The following MTA3 variants were observed in gnomAD, a reference collection of about 807,000 sequenced individuals.
MTA3 encodes the protein metastasis-associated protein MTA3.
In MTA3, 34 loss-of-function variants were observed where a neutral mutation model predicts 83.5. That is an observed-to-expected ratio of 0.41 (90% CI 0.31 to 0.54). The LOEUF is 0.54. Ranked by LOEUF, MTA3 falls within the 20% of genes least tolerant of loss-of-function variation. The pLI is 0.33. For synonymous variants in MTA3, 303 were observed against 252.7 expected, an observed-to-expected ratio of 1.20 and a Z score of -1.89; for missense variants, 761 against 726.4, an observed-to-expected ratio of 1.05 and a Z score of -0.55.
intron 2 of MTA3, among the ~76,000 whole-genome samples, chr2:42,542,032 A>G (rs987043023): frequency 1.3e-5 from 2 of 152,126 alleles, no homozygotes; most frequent in African/African-American, 4.8e-5. Flanking sequence ...TGGGCTTTTC[A>G]GTGTGTGTGC....
chr2:42,575,474 A>G (rs1165183930), intron 2 of MTA3, among the ~76,000 whole-genome samples: 1 of 152,224 alleles, frequency 6.6e-6, no homozygotes, highest in Non-Finnish European at 1.5e-5. Flanking sequence ...ACTATTTACA[A>G]ACTGCTTTGA....
intron 8 of MTA3, among the ~76,000 whole-genome samples, chr2:42,669,059 T>G (rs1337995344): frequency 6.6e-6 from 1 of 151,934 alleles, no homozygotes; most frequent in African/African-American, 2.4e-5. Flanking sequence ...GAGGATAGTT[T>G]AGAAGGCACA....
chr2:42,664,634 A>G (rs991212414), intron 8 of MTA3, among the ~76,000 whole-genome samples: 2 of 151,934 alleles, frequency 1.3e-5, no homozygotes, highest in African/African-American at 4.8e-5. Context: ...GGCGTCCGCC[A>G]CCACTGCCGA....
intron 6 of MTA3, among the ~76,000 whole-genome samples, chr2:42,655,725 C>T (rs562823779): frequency 6.6e-6 from 1 of 152,270 alleles, no homozygotes; most frequent in South Asian, 2.1e-4. Context: ...GCCTCAACCT[C>T]CCGAGTAGCT....
At chr2:42,716,475 T>C (rs1378648573) in intron 14 of MTA3, among the ~76,000 whole-genome samples, 1 of 152,168 alleles carries the variant, frequency 6.6e-6, no homozygotes, top group East Asian at 1.9e-4. Context: ...ATACTGTCCC[T>C]CCTCTCACCC....
rs146267666 is a variant in MTA3, at chr2:42,603,912, G to A, written c.191-5546G>A. Among the ~76,000 whole-genome samples, 386 of 152,174 alleles carry A rather than the reference G, an allele frequency of 2.5e-3. 5 individuals carry two copies. Among genetic ancestry groups the A allele is most frequent in the Admixed American group, 0.019 (296 of 15,288 alleles). On this transcript the variant is annotated intron_variant, in intron 3 of 16. Coordinates refer to ENST00000405094, the MANE Select transcript of MTA3 (RefSeq NM_001330442.2). The stretch of plus-strand genomic sequence containing the variant: ...ACTACAGGCGCCCACCATCTCACCT[G>A]GCTAATTTTTCTATTTTTAGTAGAT...
intron 7 of MTA3, among the ~76,000 whole-genome samples, chr2:42,657,999 G>A (rs751008663): frequency 6.9e-6 from 1 of 144,986 alleles, no homozygotes; most frequent in African/African-American, 2.6e-5. Flanking sequence ...TTGAACTTGC[G>A]AGACGGAGGT....
intron 2 of MTA3, among the ~76,000 whole-genome samples, chr2:42,514,810 C>G (rs1675066894): frequency 1.3e-5 from 2 of 149,934 alleles, no homozygotes; most frequent in South Asian, 4.2e-4. Flanking sequence ...GCCTCAGCCT[C>G]CAGAGTAGCT....
intron 2 of MTA3, among the ~76,000 whole-genome samples, chr2:42,517,462 A>G (rs1171991161): frequency 6.7e-6 from 1 of 150,374 alleles, no homozygotes; most frequent in East Asian, 2.0e-4. Context: ...AATCCCAGCT[A>G]CTCAGGAGGC....
chr2:42,619,276 T>C (rs1303071762), intron 4 of MTA3, among the ~76,000 whole-genome samples: 1 of 152,168 alleles, frequency 6.6e-6, no homozygotes, highest in Admixed American at 6.6e-5. Context: ...ATGAAAAAAC[T>C]AACCCAGTGT....
chr2:42,681,211 G>C lies in MTA3; in HGVS notation c.703-1190G>C, dbSNP rs564208748. Among the ~76,000 whole-genome samples the C allele has an allele frequency of 5.9e-5, 9 of 152,320 alleles. No homozygotes were observed. The East Asian group carries it at 1.7e-3, about 29-fold the overall frequency. On this transcript the variant is annotated intron_variant, in intron 8 of 16. Transcript: ENST00000405094. The stretch of plus-strand genomic sequence containing the variant: ...ATAAGAAAACCACAGTGGCCTTGCT[G>C]TTCCAAGCAAACCTGGCCATCTATT...
At chr2:42,749,260 C>G (rs965531560) in intron 16 of MTA3, among the ~76,000 whole-genome samples, 2 of 152,192 alleles carry the variant, frequency 1.3e-5, no homozygotes, top group African/African-American at 4.8e-5. Flanking sequence ...GGTTCCTCAG[C>G]CTAGTAGACT....
intron 14 of MTA3, among the ~76,000 whole-genome samples, chr2:42,718,053 A>G (rs1212964399): frequency 6.8e-6 from 1 of 148,006 alleles, no homozygotes; most frequent in Non-Finnish European, 1.5e-5. Flanking sequence ...CTATACCCAT[A>G]TGGGGCTTTA....
chr2:42,691,237 C>T (rs982260426), intron 9 of MTA3, among the ~76,000 whole-genome samples: 1 of 152,062 alleles, frequency 6.6e-6, no homozygotes, highest in Non-Finnish European at 1.5e-5. Flanking sequence ...GGCTCAATCT[C>T]CTGACCTTGT....
intron 3 of MTA3, among the ~76,000 whole-genome samples, chr2:42,597,611 C>A (rs1206074635): frequency 6.6e-6 from 1 of 150,952 alleles, no homozygotes; most frequent in Non-Finnish European, 1.5e-5. Flanking sequence ...GTCTCAAACT[C>A]CTGACCTTGT....
At chr2:42,648,032 G>C (rs542896784) in intron 6 of MTA3, among the ~76,000 whole-genome samples, 1 of 152,278 alleles carries the variant, frequency 6.6e-6, no homozygotes, top group African/African-American at 2.4e-5. Flanking sequence ...GCAGGGACAG[G>C]GTTTCGCCGT....
intron 16 of MTA3, among the ~76,000 whole-genome samples, chr2:42,739,344 C>T (rs954019732): frequency 6.6e-6 from 1 of 151,026 alleles, no homozygotes; most frequent in Admixed American, 6.6e-5. Flanking sequence ...AACAAACAGA[C>T]AATAATTATG....
chr2:42,498,992 G>T (rs546065593), intron 2 of MTA3, among the ~76,000 whole-genome samples: 1 of 152,166 alleles, frequency 6.6e-6, no homozygotes, highest in Non-Finnish European at 1.5e-5. Flanking sequence ...GCACTATGAG[G>T]TTATCCCAAG....
chr2:42,590,073 C>G (rs1263357736), intron 3 of MTA3, among the ~76,000 whole-genome samples: 1 of 152,064 alleles, frequency 6.6e-6, no homozygotes, highest in Non-Finnish European at 1.5e-5. Context: ...GATCTTAAAC[C>G]TATGTTTCTG....
Sources: gnomAD v4.1 joint callset for allele counts (sites outside exome capture counted in the v4.1 genomes callset) on GRCh38, gnomAD v4.1.1 for gene constraint, MANE v1.5 for transcripts, NCBI Gene and HGNC (gene_info 2026-07-23, HGNC 2026-07-21) for gene names.